NCAM2: variants seen among roughly 807,000 people sequenced by gnomAD.
NCAM2 encodes N-CAM-2.
A neutral mutation model predicts 98.1 loss-of-function variants in NCAM2; 30 were observed. The observed-to-expected ratio is 0.31, with a 90% CI of 0.23 to 0.41. NCAM2 has a LOEUF of 0.41. Ranked by LOEUF, NCAM2 falls within the 10% of genes least tolerant of loss-of-function variation. The pLI is 1.00. For missense variants in NCAM2, 867 were observed against 1,005.8 expected (o/e 0.86, Z 1.87); for synonymous variants, 368 against 342.4 (o/e 1.07, Z -0.83).
intron 5 of NCAM2, among the ~76,000 whole-genome samples, chr21:21,321,931 A>C (rs1290535137): frequency 6.6e-6 from 1 of 152,218 alleles, no homozygotes; most frequent in Non-Finnish European, 1.5e-5. Context: ...CTTAAGCAGA[A>C]CTGCCATTTG....
At chr21:21,086,600 A>G (rs547892586) in intron 1 of NCAM2, among the ~76,000 whole-genome samples, 1 of 152,158 alleles carries the variant, frequency 6.6e-6, no homozygotes, top group Non-Finnish European at 1.5e-5. Flanking sequence ...AGAGATTAGA[A>G]CCATCAAGAG....
chr21:21,194,121 T>C (rs2068922232), intron 1 of NCAM2, among the ~76,000 whole-genome samples: 1 of 152,198 alleles, frequency 6.6e-6, no homozygotes, highest in Admixed American at 6.5e-5. Context: ...TAATGTATAG[T>C]TCCATATATA....
Position 21,508,837 on chromosome 21 carries a change from T to C in NCAM2, c.2078-14T>C. The C allele has an allele frequency of 8.6e-7, 1 of 1,164,202 alleles. No homozygotes were observed. The highest frequency in any genetic ancestry group is 1.1e-6 in the Non-Finnish European group (1 of 904,898). 72.1% of individuals were successfully genotyped at this position (1,164,202 alleles called of 1,614,324 possible). A position where few individuals can be genotyped will look rare whatever the true frequency, so the allele number is the denominator to read the frequency against. Reference sequence around the variant, plus strand: ...TTTTTTTTTTTTTTTTTTTTTTTTTTTTTACTTTTTAAGACACGCTGTTTA... The same window carrying C: ...TTTTTTTTTTTTTTTTTTTTTTTTTCTTTACTTTTTAAGACACGCTGTTTA... On this transcript the variant is annotated splice_polypyrimidine_tract_variant and intron_variant, in intron 15 of 17. Transcript: ENST00000400546.
At chr21:21,124,108 T>C (rs1016887583) in intron 1 of NCAM2, among the ~76,000 whole-genome samples, 3 of 151,892 alleles carry the variant, frequency 2.0e-5, no homozygotes, top group East Asian at 3.9e-4. Context: ...CGGCGTCCCA[T>C]AATGCTGAGC....
chr21:21,461,554 C>A (rs1026030030), intron 12 of NCAM2, among the ~76,000 whole-genome samples: 3 of 151,822 alleles, frequency 2.0e-5, no homozygotes, highest in Admixed American at 2.0e-4. Flanking sequence ...AATGACACAT[C>A]ATTATTAGAT....
At chr21:21,251,470 G>A (rs2071467032) in intron 1 of NCAM2, among the ~76,000 whole-genome samples, 1 of 152,050 alleles carries the variant, frequency 6.6e-6, no homozygotes, top group Non-Finnish European at 1.5e-5. Context: ...CCATGTCCCT[G>A]CAAAGGACAT....
chr21:21,469,785 T>A (rs1011876997), intron 14 of NCAM2, among the ~76,000 whole-genome samples: 1 of 152,040 alleles, frequency 6.6e-6, no homozygotes, highest in African/African-American at 2.4e-5. Flanking sequence ...AGATATCAAA[T>A]CAATTTTTAA....
chr21:21,379,032 G>T (rs1163735288), intron 9 of NCAM2, among the ~76,000 whole-genome samples: 1 of 151,980 alleles, frequency 6.6e-6, no homozygotes, highest in East Asian at 1.9e-4. Context: ...TCTTTTTAAA[G>T]TTTTGTAGAT....
chr21:21,147,299 T>TAA lies in NCAM2; in HGVS notation c.56-133272_56-133271dup, dbSNP rs71656215. ...CTGAATGAGAATTACTACAACATGC[T>TAA]AAAAAAAAGACAATTTATTTGTTGA... On this transcript the variant is annotated intron_variant, in intron 1 of 17. Coordinates refer to ENST00000400546, the MANE Select transcript of NCAM2 (RefSeq NM_004540.5). The TAA allele has an allele frequency of 4.1e-5, 40 of 968,424 alleles. No homozygotes were observed. In the Middle Eastern group the frequency reaches 1.6e-3, roughly 38 times the overall value. The allele number at this position is 968,424 out of a possible 1,614,324, so 60.0% of individuals were successfully genotyped here.
intron 15 of NCAM2, among the ~76,000 whole-genome samples, chr21:21,482,555 AT>A (rs1173319980): frequency 6.6e-6 from 1 of 151,872 alleles, no homozygotes; most frequent in African/African-American, 2.4e-5. Context: ...ACTTATGTAT[AT>A]TAGATATATT....
intron 1 of NCAM2, among the ~76,000 whole-genome samples, chr21:21,139,085 G>A (rs1467796832): frequency 6.6e-6 from 1 of 152,206 alleles, no homozygotes; most frequent in African/African-American, 2.4e-5. Flanking sequence ...TTGATATGTA[G>A]AGAGAATCCC....
intron 7 of NCAM2, among the ~76,000 whole-genome samples, chr21:21,336,586 T>C (rs536766399): frequency 1.6e-4 from 24 of 152,028 alleles, no homozygotes; most frequent in African/African-American, 5.3e-4. Flanking sequence ...GGACCAGTGT[T>C]TGCAGTTGAC....
chr21:21,150,031 A>G (rs2067402012), intron 1 of NCAM2, among the ~76,000 whole-genome samples: 1 of 152,164 alleles, frequency 6.6e-6, no homozygotes, highest in South Asian at 2.1e-4. Flanking sequence ...CAGTCCCACC[A>G]ACAGTGTAAA....
intron 1 of NCAM2, among the ~76,000 whole-genome samples, chr21:21,022,851 T>A (rs998280041): frequency 1.3e-5 from 2 of 152,158 alleles, no homozygotes; most frequent in African/African-American, 4.8e-5. Flanking sequence ...GTCATAGACA[T>A]GTAGATCTTA....
In NCAM2 at chr21:21,058,539, G is replaced by T. The variant is rs1381610582; in HGVS notation, c.55+59921G>T. Among the ~76,000 whole-genome samples, 4 of 152,168 alleles carry T rather than the reference G, an allele frequency of 2.6e-5. No individual in the cohort carries two copies. The East Asian group carries it at 7.7e-4, about 29-fold the overall frequency. Reference sequence around the variant, plus strand: ...AAACATGTAGCTATTTGCTACAGAGGCAGAAATATGTTGCCTCAAGTATTT... The same window carrying T: ...AAACATGTAGCTATTTGCTACAGAGTCAGAAATATGTTGCCTCAAGTATTT... On this transcript the variant is annotated intron_variant, in intron 1 of 17. Coordinates refer to ENST00000400546, the MANE Select transcript of NCAM2 (RefSeq NM_004540.5).
At chr21:21,459,296 G>A (rs1030620128) in intron 12 of NCAM2, among the ~76,000 whole-genome samples, 2 of 151,708 alleles carry the variant, frequency 1.3e-5, no homozygotes, top group African/African-American at 4.8e-5. Flanking sequence ...CCATATCTGG[G>A]TATATATTCT....
intron 9 of NCAM2, among the ~76,000 whole-genome samples, chr21:21,384,765 A>G (rs762125429): frequency 4.6e-5 from 7 of 152,050 alleles, no homozygotes; most frequent in Admixed American, 1.3e-4. Flanking sequence ...ATGCTAGTGA[A>G]AGATTGATGA....
intron 9 of NCAM2, 83 bp from the exon 10 acceptor site, chr21:21,410,191 G>T: frequency 2.7e-6 from 2 of 747,184 alleles, no homozygotes; most frequent in Admixed American, 3.9e-5. Flanking sequence ...TTATACAGTA[G>T]AAATAACTAA....
chr21:21,252,808 C>G (rs1231451863), intron 1 of NCAM2, among the ~76,000 whole-genome samples: 1 of 152,094 alleles, frequency 6.6e-6, no homozygotes, highest in Non-Finnish European at 1.5e-5. Context: ...TCTCCCTCCC[C>G]TGATTTCCTT....
Sources: allele counts gnomAD v4.1 joint callset (sites outside exome capture counted in the v4.1 genomes callset), GRCh38; gene constraint gnomAD v4.1.1; transcripts MANE v1.5; gene names NCBI Gene and HGNC (gene_info 2026-07-23, HGNC 2026-07-21).